The following PPP5C variants were observed in gnomAD, a reference collection of about 807,000 sequenced individuals.
PPP5C encodes the protein protein phosphatase 5 catalytic subunit.
Under a neutral mutation model 66.7 loss-of-function variants are expected in PPP5C, and 21 were observed. The ratio of observed to expected loss-of-function variants is 0.31; its 90% CI spans 0.22 to 0.45. The LOEUF (loss-of-function observed/expected upper bound fraction) is 0.45, where lower values mean the gene tolerates loss of function less well. Ranked by LOEUF, PPP5C falls within the 20% of genes least tolerant of loss-of-function variation. The probability of loss-of-function intolerance (pLI) is 1.00; values close to 1 mark genes in which losing one functional copy is unlikely to be tolerated. For synonymous variants in PPP5C, 246 were observed against 257.4 expected (o/e 0.96, Z 0.43); for missense variants, 464 against 675.9 (o/e 0.69, Z 3.48).
At chr19:46,370,518 T>G (rs1021708948) in intron 2 of PPP5C, among the ~76,000 whole-genome samples, 1 of 152,118 alleles carries the variant, frequency 6.6e-6, no homozygotes, top group Non-Finnish European at 1.5e-5. Context: ...GTGAGGCCCT[T>G]GAGAAGGTGT....
Position 46,383,892 on chromosome 19 carries a change from C to A in PPP5C, c.798+14C>A. On this transcript the variant is annotated intron_variant, in intron 6 of 12. Coordinates refer to ENST00000012443, the MANE Select transcript of PPP5C (RefSeq NM_006247.4). This position sits in a 1 kb window ranked among gnomAD's most constrained non-coding sequence, Gnocchi z 5.0. ...ACCAACCCCTATGTATCCTTCTCAG[C>A]AGAGCCACCCTCTCCCCACCTCCAC... 3.2e-6 allele frequency: 5 copies of A among 1,585,496 alleles called. No homozygotes were observed. The highest frequency in any genetic ancestry group is 4.3e-6 in the Non-Finnish European group (5 of 1,154,132).
At chr19:46,347,415 C>T (rs989674190) in intron 1 of PPP5C, among the ~76,000 whole-genome samples, 198 bp downstream of exon 1, 1 of 152,020 alleles carries the variant, frequency 6.6e-6, no homozygotes, top group Non-Finnish European at 1.5e-5. Context: ...GAGTGGCGTG[C>T]GGAGCGGGTG....
At chr19:46,387,032 G>C (rs754776435) in intron 7 of PPP5C, 61 bp from the exon 8 acceptor site, 1 of 1,612,298 alleles carries the variant, frequency 6.2e-7, no homozygotes, top group Non-Finnish European at 8.5e-7. Flanking sequence ...GAGGGTGCCA[G>C]GCTGGAGGAC....
At chr19:46,380,006 C>T (rs143147823) in intron 4 of PPP5C, among the ~76,000 whole-genome samples, 22 of 152,248 alleles carry the variant, frequency 1.4e-4, no homozygotes, top group African/African-American at 5.1e-4. Context: ...ACTTAATGGA[C>T]AATATAAGAA....
At chr19:46,361,695 G>T (rs1972395166) in intron 2 of PPP5C, among the ~76,000 whole-genome samples, 1 of 150,824 alleles carries the variant, frequency 6.6e-6, no homozygotes, top group Non-Finnish European at 1.5e-5. Context: ...AATCCGGGAG[G>T]TGGAGGCTGC....
At chr19:46,384,960 G>GCCC in intron 7 of PPP5C, 51 bp downstream of exon 7, 1 of 1,336,810 alleles carries the variant, frequency 7.5e-7, no homozygotes, top group Non-Finnish European at 1.1e-6. Context: ...CCTGAGTGGG[G>GCCC]CACTCACTCT....
intron 4 of PPP5C, among the ~76,000 whole-genome samples, chr19:46,379,843 T>A (rs1361028068): frequency 1.4e-5 from 2 of 143,868 alleles, no homozygotes; most frequent in Admixed American, 1.4e-4. Flanking sequence ...TGTGAATCTG[T>A]GTGCTCTCCT....
intron 2 of PPP5C, among the ~76,000 whole-genome samples, chr19:46,363,239 C>CG (rs1972424814): frequency 9.6e-6 from 1 of 104,202 alleles, no homozygotes; most frequent in Admixed American, 1.3e-4. Flanking sequence ...ACCCGGGAGG[C>CG]GGAGCTTGCA....
intron 2 of PPP5C, among the ~76,000 whole-genome samples, chr19:46,362,396 C>T (rs1045600641): frequency 6.6e-6 from 1 of 152,116 alleles, no homozygotes; most frequent in African/African-American, 2.4e-5. Context: ...TTAGTAGTTA[C>T]TGTCTTAGCA....
chr19:46,387,569 G>A (rs111936222), intron 9 of PPP5C, 116 bp downstream of exon 9: 274 of 1,576,352 alleles, frequency 1.7e-4, no homozygotes, highest in Non-Finnish European at 2.1e-4. Context: ...AAGAAACAGC[G>A]GGTCTGAGCC....
At chr19:46,349,292 A>G (rs1794902409) in intron 1 of PPP5C, among the ~76,000 whole-genome samples, 1 of 150,270 alleles carries the variant, frequency 6.7e-6, no homozygotes, top group Non-Finnish European at 1.5e-5. Context: ...CGTCTCAAGA[A>G]AAAAAAAAAG....
chr19:46,348,955 G>A (rs1173863799), intron 1 of PPP5C, among the ~76,000 whole-genome samples: 2 of 152,180 alleles, frequency 1.3e-5, no homozygotes, highest in African/African-American at 4.8e-5. Flanking sequence ...GGAGTGATGG[G>A]GGTGATGCAG....
At position 46,353,983 on chromosome 19, in the gene PPP5C, C is replaced by T. The variant is rs987784830; in HGVS notation, c.357C>T (p.Tyr119=). Residue 119 remains tyrosine, a synonymous_variant, in exon 2 of 13, where the codon TAC becomes TAT. Transcript: ENST00000012443. ...AGTTCCGGGCCGCGCTGCGAGACTA[C>T]GAGACGGTGAGCTGGGGAGTGGGCC... ...LGKFRAALRD[Y]ETVVKVKPHD... 9.9e-6 allele frequency: 16 copies of T among 1,611,068 alleles called. No individual in the cohort carries two copies. The highest frequency in any genetic ancestry group is 4.4e-5 in the South Asian group (4 of 90,536).
intron 2 of PPP5C, among the ~76,000 whole-genome samples, chr19:46,370,546 T>C (rs1002163493): frequency 2.0e-5 from 3 of 152,278 alleles, no homozygotes; most frequent in Middle Eastern, 3.4e-3. Context: ...TTCAGAAAAA[T>C]GTCCATGGTG....
intron 7 of PPP5C, 110 bp downstream of exon 7, chr19:46,385,019 T>A: frequency 1.2e-6 from 1 of 850,698 alleles, no homozygotes; most frequent in South Asian, 1.4e-5. Flanking sequence ...TCGGAGATCA[T>A]GCACAGGGCG....
At chr19:46,390,222 C>G in intron 12 of PPP5C, 62 bp from the exon 13 acceptor site, 1 of 1,603,838 alleles carries the variant, frequency 6.2e-7, no homozygotes. Context: ...GTAGGTTCTG[C>G]CGGTGGGTGC....
intron 2 of PPP5C, among the ~76,000 whole-genome samples, chr19:46,374,626 C>G (rs1471189319): frequency 6.6e-6 from 1 of 152,120 alleles, no homozygotes; most frequent in Non-Finnish European, 1.5e-5. Context: ...TGGGAACTTG[C>G]TATGTCCCAA....
At chr19:46,354,114 T>C (rs777549640) in intron 2 of PPP5C, 125 bp downstream of exon 2, 110 of 1,382,344 alleles carry the variant, frequency 8.0e-5, no homozygotes, top group Non-Finnish European at 6.9e-5. Flanking sequence ...AGCAAGTGCC[T>C]GTGGGGCCTT....
At chr19:46,357,613 TCTGA>T (rs1388781062) in intron 2 of PPP5C, among the ~76,000 whole-genome samples, 1 of 152,228 alleles carries the variant, frequency 6.6e-6, no homozygotes, top group Non-Finnish European at 1.5e-5. Flanking sequence ...TGCCGGTGAT[TCTGA>T]CTGACTGGCT....
Sources: gnomAD v4.1 joint callset for allele counts (sites outside exome capture counted in the v4.1 genomes callset) on GRCh38, gnomAD v4.1.1 for gene constraint, Gnocchi (gnomAD v3.1) non-coding constraint, MANE v1.5 for transcripts, NCBI Gene and HGNC (gene_info 2026-07-23, HGNC 2026-07-21) for gene names.